The following ZNF274 variants were observed in gnomAD, a reference collection of about 807,000 sequenced individuals.
ZNF274 encodes neurotrophin receptor-interacting factor homolog.
ZNF274 carries 23 observed loss-of-function variants against 42.5 expected under a neutral mutation model. That is an observed-to-expected ratio of 0.54 (90% CI 0.39 to 0.77). The LOEUF is 0.77. Ranked by LOEUF, ZNF274 falls within the 30% of genes least tolerant of loss-of-function variation. The probability of loss-of-function intolerance (pLI) is 0.00; values close to 1 mark genes in which losing one functional copy is unlikely to be tolerated. For missense variants in ZNF274, 679 were observed against 806.5 expected (o/e 0.84, Z 1.91); for synonymous variants, 292 against 305.4 (o/e 0.96, Z 0.46).
At position 58,207,257 on chromosome 19, in the gene ZNF274, T is replaced by C; in HGVS notation, c.739+55T>C. 6.5e-7 allele frequency: 1 copy of C among 1,533,638 alleles called. No individual in the cohort carries two copies. On this transcript the variant is annotated intron_variant, in intron 5 of 7. Transcript: ENST00000617501. The surrounding 1 kb of genome is among the most constrained non-coding windows in gnomAD (Gnocchi z 5.6). The stretch of plus-strand genomic sequence containing the variant: ...TTAATGAGGGTGTCTTGGAGTACCC[T>C]GTGGGGGAGATAAGAACTCCAGGCT...
chr19:58,193,068 T>C (rs1242365477), intron 4 of ZNF274, among the ~76,000 whole-genome samples: 5 of 151,940 alleles, frequency 3.3e-5, no homozygotes, highest in African/African-American at 1.2e-4. Flanking sequence ...ATATTTTCAA[T>C]CCAGAGTTTG....
In ZNF274 at chr19:58,213,039, G is replaced by A; in HGVS notation, c.1858G>A (p.Ala620Thr). 1 of 1,614,010 alleles carries A rather than the reference G, an allele frequency of 6.2e-7. No homozygotes were observed. The highest frequency in any genetic ancestry group is 8.5e-7 in the Non-Finnish European group (1 of 1,179,912). The change falls in exon 8 of 8, where the codon GCA becomes ACA. Residue 620 changes from alanine (A) to threonine (T), a missense_variant. By Grantham distance (58) the Ala-to-Thr change is moderately conservative. Transcript: ENST00000617501. ...QRTHTGERPY[A>T]CNKCGKAFTQ... ...GACTCACACCGGGGAGCGCCCATATGCATGCAACAAATGTGGAAAGGCCTT... is the reference window on the plus strand; with the variant it reads ...GACTCACACCGGGGAGCGCCCATATACATGCAACAAATGTGGAAAGGCCTT...
At chr19:58,185,561 C>A in intron 2 of ZNF274, 151 bp from the exon 3 acceptor site, 2 of 762,044 alleles carry the variant, frequency 2.6e-6, no homozygotes, top group South Asian at 4.8e-5. Context: ...GGGTTTCAGA[C>A]AAAGACAGGA....
intron 4 of ZNF274, among the ~76,000 whole-genome samples, chr19:58,191,432 C>T (rs1600136948): frequency 1.3e-5 from 2 of 152,236 alleles, no homozygotes. Context: ...CCACTGCCCC[C>T]GGCCCAGCCT....
chr19:58,203,378 G>C (rs1277259405), intron 4 of ZNF274, among the ~76,000 whole-genome samples: 1 of 152,160 alleles, frequency 6.6e-6, no homozygotes, highest in East Asian at 1.9e-4. Flanking sequence ...GAGGTGAGGA[G>C]TTCGAGACCA....
rs1392414873 is a variant in ZNF274 at position 58,212,114 on chromosome 19, C to A, written c.980-47C>A. ...GCATTTCATGCTCTCAGACCCATCC[C>A]AGCACATCTCTCTATGGGATCCACA... On this transcript the variant is annotated intron_variant, in intron 7 of 7. Coordinates refer to ENST00000617501, the MANE Select transcript of ZNF274 (RefSeq NM_133502.3). The surrounding 1 kb of genome is among the most constrained non-coding windows in gnomAD (Gnocchi z 4.6). 3.9e-6 allele frequency: 6 copies of A among 1,549,052 alleles called. No homozygotes were observed. The highest frequency in any genetic ancestry group is 5.2e-6 in the Non-Finnish European group (6 of 1,158,036).
At chr19:58,209,870 C>A in intron 5 of ZNF274, 91 bp from the exon 6 acceptor site, 1 of 748,716 alleles carries the variant, frequency 1.3e-6, no homozygotes, top group Non-Finnish European at 2.2e-6. Context: ...TGCAGGGGTG[C>A]GGTGGCCCCA....
chr19:58,210,888 G>T (rs2076032414), intron 6 of ZNF274: 1 of 152,166 alleles, frequency 6.6e-6, no homozygotes, highest in Admixed American at 6.5e-5. Context: ...CTAATTTTTG[G>T]TATTTTTAAT....
intron 4 of ZNF274, among the ~76,000 whole-genome samples, chr19:58,200,327 C>G (rs1312811079): frequency 6.6e-6 from 1 of 152,168 alleles, no homozygotes; most frequent in Non-Finnish European, 1.5e-5. Context: ...TTGGACAGTA[C>G]AGATCTAGAA....
intron 4 of ZNF274, among the ~76,000 whole-genome samples, chr19:58,193,445 CTTTTTT>C (rs71188098): frequency 0.017 from 835 of 47,874 alleles, 20 homozygotes; most frequent in Admixed American, 0.11. Context: ...CGCGCCTGGC[CTTTTTT>C]TTTTTTTTTT....
Position 58,207,149 on chromosome 19 carries a change from G to A in ZNF274, c.686G>A (p.Cys229Tyr). The A allele has an allele frequency of 7.4e-6, 12 of 1,613,330 alleles. No individual in the cohort carries two copies. The highest frequency in any genetic ancestry group is 1.0e-5 in the Non-Finnish European group (12 of 1,179,660). Residue 229 changes from cysteine (C) to tyrosine (Y), a missense_variant, in exon 5 of 8, where the codon TGC (cysteine) becomes TAC (tyrosine). Around this residue, in one of 2 missense-constraint regions of ZNF274, gnomAD observed 456 missense variants for 590.1 expected, o/e 0.77. Coordinates refer to ENST00000617501, the MANE Select transcript of ZNF274 (RefSeq NM_133502.3). This position sits in a 1 kb window ranked among gnomAD's most constrained non-coding sequence, Gnocchi z 5.6. Reference sequence around the variant, plus strand: ...GTGGAATCGCAGCACCCAGAGAACTGCCAAGAGGTGGTGGCCCTGGTAGAG... The same window carrying A: ...GTGGAATCGCAGCACCCAGAGAACTACCAAGAGGTGGTGGCCCTGGTAGAG... ...TWVESQHPEN[C>Y]QEVVALVEGV...
chr19:58,183,949 T>A lies in ZNF274; in HGVS notation c.-17T>A, dbSNP rs2075663236. 3 of 1,591,732 alleles carry A rather than the reference T, an allele frequency of 1.9e-6. No individual in the cohort carries two copies. Among genetic ancestry groups the A allele is most frequent in the Non-Finnish European group, 2.6e-6 (3 of 1,168,990 alleles). Reference sequence around the variant, plus strand: ...TCTGCCCACTTCCACCAGAGACACATTGAGAAGGAGGAAACTATGGCCTCC... The same window carrying A: ...TCTGCCCACTTCCACCAGAGACACAATGAGAAGGAGGAAACTATGGCCTCC... On this transcript the variant is annotated 5_prime_UTR_variant, in exon 2 of 8. It adds an upstream start codon to the 5' untranslated region. Coordinates refer to ENST00000617501, the MANE Select transcript of ZNF274 (RefSeq NM_133502.3).
At chr19:58,193,238 C>T (rs1198386437) in intron 4 of ZNF274, among the ~76,000 whole-genome samples, 3 of 151,842 alleles carry the variant, frequency 2.0e-5, no homozygotes, top group Admixed American at 1.3e-4. Context: ...GCTCCACCTC[C>T]TGGGTTCACG....
chr19:58,198,427 T>C (rs1470896940), intron 4 of ZNF274, among the ~76,000 whole-genome samples: 1 of 151,970 alleles, frequency 6.6e-6, no homozygotes, highest in Non-Finnish European at 1.5e-5. Context: ...AAAATTTAAG[T>C]GTGCTTGCTT....
intron 4 of ZNF274, among the ~76,000 whole-genome samples, chr19:58,189,601 G>C (rs1309844804): frequency 6.6e-6 from 1 of 151,796 alleles, no homozygotes; most frequent in African/African-American, 2.4e-5. Context: ...ATATATAGTA[G>C]TTCCCCTTGT....
Position 58,212,317 on chromosome 19 carries a change from A to C in ZNF274, c.1136A>C (p.Gln379Pro), listed in dbSNP as rs768160062. ...TTGCAGGGTGGGGTCCAGGAAGTCCAAGACACAGTGTTGAAGCAGATGGAG... is the reference window on the plus strand; with the variant it reads ...TTGCAGGGTGGGGTCCAGGAAGTCCCAGACACAGTGTTGAAGCAGATGGAG... ...DTLQGGVQEV[Q>P]DTVLKQMESA... The change falls in exon 8 of 8, where the codon CAA becomes CCA. Residue 379 changes from glutamine (Q) to proline (P), a missense_variant. Around this residue, in one of 2 missense-constraint regions of ZNF274, gnomAD observed 456 missense variants for 590.1 expected, o/e 0.77. Transcript: ENST00000617501. This position sits in a 1 kb window ranked among gnomAD's most constrained non-coding sequence, Gnocchi z 4.6. 2.5e-6 allele frequency: 4 copies of C among 1,614,044 alleles called. No homozygotes were observed. The highest frequency in any genetic ancestry group is 3.4e-6 in the Non-Finnish European group (4 of 1,179,904).
intron 4 of ZNF274, among the ~76,000 whole-genome samples, chr19:58,188,700 A>ATATGTATATGTG (rs1568697828): frequency 1.2e-5 from 1 of 85,582 alleles, no homozygotes; most frequent in African/African-American, 6.7e-5. Context: ...ATATGTATAT[A>ATATGTATATGTG]TATATATATA....
chr19:58,185,046 G>C (rs1224619056), intron 2 of ZNF274, among the ~76,000 whole-genome samples: 2 of 151,544 alleles, frequency 1.3e-5, no homozygotes, highest in Non-Finnish European at 1.5e-5. Flanking sequence ...CGTGAACCGG[G>C]GAGGCGGAGC....
At position 58,212,164 on chromosome 19, in the gene ZNF274, G is replaced by C; in HGVS notation, c.983G>C (p.Trp328Ser). Residue 328 changes from tryptophan to serine, a missense_variant, in exon 8 of 8, where the codon TGG becomes TCG. Trp to Ser is a radical substitution (Grantham distance 177). Transcript: ENST00000617501. This position sits in a 1 kb window ranked among gnomAD's most constrained non-coding sequence, Gnocchi z 4.6. ...ETFGHLVSVG[W>S]ETTLENKELA... Reference sequence around the variant, plus strand: ...ATCTTTTGTTTATTTTTTTCAGGGTGGGAGACTACACTGGAAAATAAAGAG... The same window carrying C: ...ATCTTTTGTTTATTTTTTTCAGGGTCGGAGACTACACTGGAAAATAAAGAG... The C allele has an allele frequency of 6.3e-7, 1 of 1,598,558 alleles. No homozygotes were observed. Among genetic ancestry groups the C allele is most frequent in the Non-Finnish European group, 8.5e-7 (1 of 1,176,618 alleles).
Sources: gnomAD v4.1 joint callset for allele counts (sites outside exome capture counted in the v4.1 genomes callset) on GRCh38, gnomAD v4.1.1 for gene constraint, gnomAD v4.1.1 regional missense constraint, Gnocchi (gnomAD v3.1) non-coding constraint, MANE v1.5 for transcripts, NCBI Gene and HGNC (gene_info 2026-07-23, HGNC 2026-07-21) for gene names.